The following C5 variants were observed in gnomAD, a reference collection of about 807,000 sequenced individuals.
C5 encodes the protein C3 and PZP-like alpha-2-macroglobulin domain-containing protein 4.
In C5, 140 loss-of-function variants were observed where a neutral mutation model predicts 218.8. That is an observed-to-expected ratio of 0.64 (90% CI 0.56 to 0.74). The LOEUF is 0.74. Among genes scored for constraint, C5 ranks in the 30% least tolerant of loss-of-function variants. The probability of loss-of-function intolerance (pLI) is 0.00; values close to 1 mark genes in which losing one functional copy is unlikely to be tolerated. For missense variants in C5, 1,700 were observed against 1,969.6 expected, an observed-to-expected ratio of 0.86 and a Z score of 2.59; for synonymous variants, 614 against 682.3, an observed-to-expected ratio of 0.90 and a Z score of 1.56.
At chr9:121,013,541 C>T (rs1286735802) in intron 17 of C5, among the ~76,000 whole-genome samples, 2 of 152,070 alleles carry the variant, frequency 1.3e-5, no homozygotes, top group Admixed American at 6.6e-5. Flanking sequence ...ATCACAAAAG[C>T]GTAGACTTGT....
At chr9:120,976,589 A>T in intron 29 of C5, 111 bp downstream of exon 29, 1 of 867,562 alleles carries the variant, frequency 1.2e-6, no homozygotes, top group Non-Finnish European at 2.0e-6. Flanking sequence ...GGCATTATTC[A>T]TATCTATTGC....
intron 21 of C5, 66 bp downstream of exon 21, chr9:120,997,481 C>A: frequency 1.7e-6 from 2 of 1,147,156 alleles, no homozygotes; most frequent in Non-Finnish European, 1.3e-6. Flanking sequence ...GTTTCTCTCC[C>A]CCCCCTTTCT....
Position 120,970,046 on chromosome 9 carries a change from A to T in C5, c.4162+124T>A, listed in dbSNP as rs143358757. Reference sequence around the variant, plus strand: ...ATATTTACTTGGATGTCAACCTGCTAAAGTATTTGGTTAAGAAATTTCACT... The same window carrying T: ...ATATTTACTTGGATGTCAACCTGCTTAAGTATTTGGTTAAGAAATTTCACT... On this transcript the variant is annotated intron_variant, in intron 32 of 40. Transcript: ENST00000223642. 195 of 703,382 alleles carry T rather than the reference A, an allele frequency of 2.8e-4. No homozygotes were observed. The African/African-American group carries it at 2.9e-3, about 11-fold the overall frequency. 43.6% of individuals were successfully genotyped at this position (703,382 alleles called of 1,614,324 possible).
At chr9:120,971,033 G>C (rs529248936) in intron 31 of C5, among the ~76,000 whole-genome samples, 1 of 151,918 alleles carries the variant, frequency 6.6e-6, no homozygotes, top group African/African-American at 2.4e-5. Flanking sequence ...TTAGCCAGGC[G>C]TAGTGGCATG....
rs773025144 is a variant in C5 at position 121,015,171 on chromosome 9, TTTTACAATCACATGAATC to T, written c.2059+10_2059+27del. On this transcript the variant is annotated intron_variant, in intron 16 of 40. Transcript: ENST00000223642. ...TTTTTGAATGATATGACCATAACCT[TTTTACAATCACATGAATC>T]TTACAGTACCTATTTCTTCTATCTT... is the stretch of plus-strand genomic sequence containing the variant. The T allele has an allele frequency of 1.4e-6, 2 of 1,471,770 alleles. No homozygotes were observed. Among genetic ancestry groups the T allele is most frequent in the Admixed American group, 3.3e-5 (2 of 59,704 alleles). The allele number at this position is 1,471,770 out of a possible 1,614,324, so 91.2% of individuals were successfully genotyped here.
Position 121,006,916 on chromosome 9 carries a change from T to G in C5, c.2410A>C (p.Ile804Leu). 2 of 1,608,338 alleles carry G rather than the reference T, an allele frequency of 1.2e-6. No individual in the cohort carries two copies. Among genetic ancestry groups the G allele is most frequent in the Non-Finnish European group, 1.7e-6 (2 of 1,174,740 alleles). The stretch of plus-strand genomic sequence containing the variant: ...TAAACCTGCTTACCAGTGTTTGAAA[T>G]GCCAACGCCTTGAATTTCCCAGGTG... Reference protein sequence around the residue: ...LTTWEIQGVGISNTGICVADT... With the variant: ...LTTWEIQGVGLSNTGICVADT... Residue 804 changes from isoleucine (I) to leucine (L), a missense_variant, in exon 19 of 41, where the codon ATT becomes CTT. Transcript: ENST00000223642.
At position 120,980,197 on chromosome 9, in the gene C5, CT is replaced by C; in HGVS notation, c.3543del (p.Ala1182ProfsTer31). ...ADNFLLENTL[P>X]AQSTFTLAIS... ...ATGGCCAATGTAAAGGTGCTCTGGG[CT>C]GGCAGTGTATTTTCAAGCAGAAAGT... On this transcript the variant is annotated frameshift_variant, in exon 28 of 41. Transcript: ENST00000223642. LOFTEE classifies it high-confidence loss of function. 1 of 1,614,122 alleles carries C rather than the reference CT, an allele frequency of 6.2e-7. No individual in the cohort carries two copies. Among genetic ancestry groups the C allele is most frequent in the African/African-American group, 1.3e-5 (1 of 75,048 alleles).
At chr9:121,014,142 A>T in intron 16 of C5, 72 bp from the exon 17 acceptor site, 1 of 1,337,848 alleles carries the variant, frequency 7.5e-7, no homozygotes, top group Non-Finnish European at 1.1e-6. Context: ...AGGAATCTCA[A>T]GGGATACCTG....
intron 4 of C5, 58 bp from the exon 5 acceptor site, chr9:121,034,952 T>C (rs1368941902): frequency 2.5e-6 from 2 of 813,478 alleles, no homozygotes; most frequent in Admixed American, 4.2e-5. Context: ...AAAATTTAAC[T>C]GATTATACAA....
chr9:121,016,008 G>GT (rs1337171646), intron 15 of C5, among the ~76,000 whole-genome samples: 1 of 152,176 alleles, frequency 6.6e-6, no homozygotes, highest in Admixed American at 6.5e-5. Context: ...TAAACATAAC[G>GT]TAAGGCACAG....
chr9:121,008,613 A>C, intron 17 of C5, 115 bp from the exon 18 acceptor site: 1 of 802,202 alleles, frequency 1.2e-6, no homozygotes, highest in South Asian at 1.4e-5. Flanking sequence ...AGGTAAATAA[A>C]ACATTTTGTT....
Position 121,027,290 on chromosome 9 carries a change from A to G in C5, c.759-16T>C, listed in dbSNP as rs953824540. On this transcript the variant is annotated splice_polypyrimidine_tract_variant and intron_variant, in intron 7 of 40. Transcript: ENST00000223642. ...ATAAAAATATCTGTCAGACAATAGCATAAAACTGTTTTACTAACATGGTTA... is the reference window on the plus strand; with the variant it reads ...ATAAAAATATCTGTCAGACAATAGCGTAAAACTGTTTTACTAACATGGTTA... 5 of 1,185,802 alleles carry G rather than the reference A, an allele frequency of 4.2e-6. No individual in the cohort carries two copies. The highest frequency in any genetic ancestry group is 1.2e-5 in the South Asian group (1 of 80,336). The allele number at this position is 1,185,802 out of a possible 1,614,324, so 73.5% of individuals were successfully genotyped here. A position where few individuals can be genotyped will look rare whatever the true frequency, so the allele number is the denominator to read the frequency against.
upstream of C5, among the ~76,000 whole-genome samples, chr9:121,052,969 T>G (rs963123308): frequency 6.6e-6 from 1 of 152,164 alleles, no homozygotes; most frequent in African/African-American, 2.4e-5. Context: ...ATTAATGGGT[T>G]GTAAATTTAG....
At chr9:121,064,647 T>C in the C5 span, among the ~76,000 whole-genome samples, 4 of 152,344 alleles carry the variant, frequency 2.6e-5, no homozygotes. Context: ...AAAATTTAAA[T>C]TCAAAAGCAT....
chr9:121,073,029 C>T, the C5 span, among the ~76,000 whole-genome samples: 3 of 152,130 alleles, frequency 2.0e-5, no homozygotes, highest in African/African-American at 7.2e-5. Flanking sequence ...AAAGACACAT[C>T]TGCATCCCCA....
upstream of C5, among the ~76,000 whole-genome samples, chr9:121,054,817 G>C (rs1470871728): frequency 6.6e-6 from 1 of 151,918 alleles, no homozygotes; most frequent in Non-Finnish European, 1.5e-5. Flanking sequence ...ATGCAACCAG[G>C]CCTTCCCTTT....
In C5 at chr9:120,976,808, G is replaced by A. The variant is rs1020773449; in HGVS notation, c.3756C>T (p.Ala1252=). The change falls in exon 29 of 41, where the codon GCC becomes GCT. Residue 1252 remains alanine, a synonymous_variant. Coordinates refer to ENST00000223642, the MANE Select transcript of C5 (RefSeq NM_001735.3). ...TGTARMVETT[A]YALLTSLNLK... ...AGTTCAGACTGGTGAGTAAAGCATAGGCAGTTGTTTCTACCATACGTGCCG... is the reference window on the plus strand; with the variant it reads ...AGTTCAGACTGGTGAGTAAAGCATAAGCAGTTGTTTCTACCATACGTGCCG... 3.1e-6 allele frequency: 5 copies of A among 1,613,884 alleles called. No individual in the cohort carries two copies. The highest frequency in any genetic ancestry group is 1.1e-5 in the South Asian group (1 of 91,088).
chr9:121,061,984 C>T, the C5 span, among the ~76,000 whole-genome samples: 2 of 152,244 alleles, frequency 1.3e-5, no homozygotes, highest in Non-Finnish European at 2.9e-5. Flanking sequence ...TCAAGGTACA[C>T]ATAATAGTTC....
At chr9:121,019,733 C>T (rs2047346639) in intron 12 of C5, among the ~76,000 whole-genome samples, 1 of 152,204 alleles carries the variant, frequency 6.6e-6, no homozygotes, top group African/African-American at 2.4e-5. Flanking sequence ...TTCCTCTTCC[C>T]AGCTGAGTAA....
Sources: allele counts gnomAD v4.1 joint callset (sites outside exome capture counted in the v4.1 genomes callset), GRCh38; gene constraint gnomAD v4.1.1; transcripts MANE v1.5; gene names NCBI Gene and HGNC (gene_info 2026-07-23, HGNC 2026-07-21).